Variants in EYA1 observed in about 807,000 individuals in gnomAD.
EYA1 encodes the protein EYA transcriptional coactivator and phosphatase 1.
Under a neutral mutation model 82.0 loss-of-function variants are expected in EYA1, and 16 were observed. The ratio of observed to expected loss-of-function variants is 0.20; its 90% CI spans 0.13 to 0.30. The LOEUF is 0.30. Ranked by LOEUF, EYA1 falls within the 10% of genes least tolerant of loss-of-function variation. EYA1 has a pLI of 1.00. For synonymous variants in EYA1, 261 were observed against 264.4 expected (o/e 0.99, Z 0.12); for missense variants, 633 against 730.7 (o/e 0.87, Z 1.54).
Position 71,216,706 on chromosome 8 carries a change from T to C in EYA1, c.1346A>G (p.Lys449Arg). 2.5e-6 allele frequency: 4 copies of C among 1,614,132 alleles called. No individual in the cohort carries two copies. Among genetic ancestry groups the C allele is most frequent in the Middle Eastern group, 3.3e-4 (2 of 6,062 alleles). The change falls in exon 14 of 18, where the codon AAA becomes AGA. Residue 449 changes from lysine (K) to arginine (R), a missense_variant. Transcript: ENST00000340726. ...RRVKEIYNTY[K>R]NNVGGLLGPA... Reference sequence around the variant, plus strand: ...TAATCACTTGCCTCCAACATTATTTTTGTAGGTGTTGTAGATCTCTTTTAC... The same window carrying C: ...TAATCACTTGCCTCCAACATTATTTCTGTAGGTGTTGTAGATCTCTTTTAC...
chr8:71,421,559 A>T (rs1034581154), intron 2 of EYA1, among the ~76,000 whole-genome samples: 1 of 152,192 alleles, frequency 6.6e-6, no homozygotes, highest in Non-Finnish European at 1.5e-5. Flanking sequence ...CTGTCACTAC[A>T]TGCTCAAGTG....
At chr8:71,512,963 C>A (rs899774954) in intron 2 of EYA1, among the ~76,000 whole-genome samples, 4 of 152,096 alleles carry the variant, frequency 2.6e-5, no homozygotes, top group African/African-American at 9.7e-5. Context: ...TCTAACCATA[C>A]ACAAGGTGGA....
At position 71,282,476 on chromosome 8, in the gene EYA1, A is replaced by T. The variant is rs959650166; in HGVS notation, c.827-10579T>A. ...CCTCTTTGTCAAGATCACCAACAAC[A>T]TCCACTCTGTCAAATCAAATAGTCA... On this transcript the variant is annotated intron_variant, in intron 9 of 17. Transcript: ENST00000340726. Among the ~76,000 whole-genome samples, 4 of 152,318 alleles carry T rather than the reference A, an allele frequency of 2.6e-5. No individual in the cohort carries two copies. In the Middle Eastern group the frequency reaches 0.01, roughly 389 times the overall value.
At chr8:71,391,752 G>A (rs944907867) in intron 2 of EYA1, among the ~76,000 whole-genome samples, 1 of 152,178 alleles carries the variant, frequency 6.6e-6, no homozygotes, top group Admixed American at 6.5e-5. Context: ...ACCATTCAGA[G>A]GTTAGTCTGG....
intron 9 of EYA1, among the ~76,000 whole-genome samples, chr8:71,273,215 A>G (rs143566529): frequency 1.7e-3 from 256 of 152,360 alleles, no homozygotes; most frequent in African/African-American, 6.0e-3. Flanking sequence ...CTATAACAAG[A>G]TGGCAAACTT....
At chr8:71,302,296 A>C (rs1273881650) in intron 7 of EYA1, among the ~76,000 whole-genome samples, 2 of 152,186 alleles carry the variant, frequency 1.3e-5, no homozygotes, top group Non-Finnish European at 2.9e-5. Flanking sequence ...TATTTTTAAA[A>C]TGGATGTTTT....
intron 9 of EYA1, among the ~76,000 whole-genome samples, chr8:71,288,827 C>A (rs926125709): frequency 6.6e-6 from 1 of 151,990 alleles, no homozygotes; most frequent in African/African-American, 2.4e-5. Context: ...TATCAGCAGT[C>A]ACATAAAACT....
intron 9 of EYA1, among the ~76,000 whole-genome samples, chr8:71,285,894 T>A (rs994290881): frequency 1.4e-4 from 22 of 152,226 alleles, no homozygotes; most frequent in Non-Finnish European, 5.9e-5. Flanking sequence ...GAATAATTGA[T>A]ATCCCACTTT....
intron 4 of EYA1, 49 bp downstream of exon 4, chr8:71,334,048 T>C (rs763168056): frequency 7.6e-7 from 1 of 1,308,414 alleles, no homozygotes; most frequent in African/African-American, 1.4e-5. Context: ...ATGAATAAAC[T>C]AGAAAAAATG....
intron 2 of EYA1, among the ~76,000 whole-genome samples, chr8:71,487,840 G>T (rs1026043384): frequency 6.6e-6 from 1 of 152,192 alleles, no homozygotes; most frequent in South Asian, 2.1e-4. Context: ...TGAAGACATG[G>T]AGCAATTGGA....
At chr8:71,517,516 G>A (rs1048912079) in intron 2 of EYA1, among the ~76,000 whole-genome samples, 2 of 151,202 alleles carry the variant, frequency 1.3e-5, no homozygotes, top group East Asian at 1.9e-4. Context: ...TGAAAAAATA[G>A]TTATCATAAG....
intron 2 of EYA1, among the ~76,000 whole-genome samples, chr8:71,367,477 A>G (rs1827822677): frequency 6.6e-6 from 1 of 151,868 alleles, no homozygotes; most frequent in Non-Finnish European, 1.5e-5. Flanking sequence ...GGGAACCCCC[A>G]AACCTAATAA....
intron 2 of EYA1, among the ~76,000 whole-genome samples, chr8:71,412,763 G>A (rs1830675775): frequency 6.6e-6 from 1 of 152,200 alleles, no homozygotes; most frequent in African/African-American, 2.4e-5. Context: ...AATGACCAAC[G>A]TGGCCAACAT....
At chr8:71,429,197 A>G (rs890960063) in intron 2 of EYA1, among the ~76,000 whole-genome samples, 4 of 152,212 alleles carry the variant, frequency 2.6e-5, no homozygotes, top group African/African-American at 9.6e-5. Context: ...AAAATTAGCA[A>G]ATGAATTTGG....
chr8:71,378,732 T>A (rs1220887460), intron 2 of EYA1, among the ~76,000 whole-genome samples: 7 of 152,200 alleles, frequency 4.6e-5, no homozygotes, highest in Non-Finnish European at 1.0e-4. Flanking sequence ...ATATTCTTGG[T>A]CAACCTTTTA....
intron 1 of EYA1, among the ~76,000 whole-genome samples, chr8:71,544,538 C>T (rs1586920465): frequency 6.6e-6 from 1 of 152,220 alleles, no homozygotes; most frequent in East Asian, 1.9e-4. Context: ...GCCCTCTTCT[C>T]TAAGGTCAAT....
intron 11 of EYA1, among the ~76,000 whole-genome samples, chr8:71,246,392 T>TA (rs1379759859): frequency 6.6e-6 from 1 of 152,234 alleles, no homozygotes; most frequent in African/African-American, 2.4e-5. Flanking sequence ...CTTTGAGTCT[T>TA]AGAGTCAAGA....
At chr8:71,362,346 G>T, upstream of EYA1, 1 of 314,908 alleles carries the variant, frequency 3.2e-6, no homozygotes, top group South Asian at 1.3e-4. Context: ...AGCTGTGTGA[G>T]AATAACTTCT....
chr8:71,524,300 C>T (rs1813650430), intron 2 of EYA1, among the ~76,000 whole-genome samples: 1 of 152,130 alleles, frequency 6.6e-6, no homozygotes, highest in Admixed American at 6.5e-5. Flanking sequence ...ATGAACACAT[C>T]ACTAAAAATC....
Sources: gnomAD v4.1 joint callset for allele counts (sites outside exome capture counted in the v4.1 genomes callset) on GRCh38, gnomAD v4.1.1 for gene constraint, MANE v1.5 for transcripts, NCBI Gene and HGNC (gene_info 2026-07-23, HGNC 2026-07-21) for gene names.